MAGI2: variants seen among roughly 807,000 people sequenced by gnomAD.
MAGI2 encodes the protein membrane associated guanylate kinase, WW and PDZ domain containing 2.
In MAGI2, 35 loss-of-function variants were observed where a neutral mutation model predicts 133.3. The ratio of observed to expected loss-of-function variants is 0.26; its 90% CI spans 0.20 to 0.35. The LOEUF (loss-of-function observed/expected upper bound fraction) is 0.35, where lower values mean the gene tolerates loss of function less well. Among genes scored for constraint, MAGI2 ranks in the 10% least tolerant of loss-of-function variants. The probability of loss-of-function intolerance (pLI) is 1.00; values close to 1 mark genes in which losing one functional copy is unlikely to be tolerated. For missense variants in MAGI2, 1,636 were observed against 1,863.4 expected (o/e 0.88, Z 2.25); for synonymous variants, 729 against 710.6 (o/e 1.03, Z -0.41).
intron 4 of MAGI2, among the ~76,000 whole-genome samples, chr7:78,516,050 T>A (rs2150571280): frequency 6.6e-6 from 1 of 152,312 alleles, no homozygotes; most frequent in East Asian, 1.9e-4. Flanking sequence ...TCAGAGATGA[T>A]CAGTTTTTAC....
At chr7:78,561,649 G>T (rs892588569) in intron 3 of MAGI2, among the ~76,000 whole-genome samples, 9 of 152,176 alleles carry the variant, frequency 5.9e-5, no homozygotes. Context: ...GGGTTGTGGG[G>T]TTTGAGAGAA....
intron 2 of MAGI2, among the ~76,000 whole-genome samples, chr7:78,713,841 G>T (rs1381712595): frequency 6.6e-6 from 1 of 152,056 alleles, no homozygotes; most frequent in Non-Finnish European, 1.5e-5. Flanking sequence ...ATTCTCAATT[G>T]ATTTTCTAAC....
intron 3 of MAGI2, among the ~76,000 whole-genome samples, chr7:78,588,566 T>C (rs1262150920): frequency 6.6e-6 from 1 of 152,300 alleles, no homozygotes; most frequent in East Asian, 1.9e-4. Context: ...GGTGCATTCA[T>C]GCCCAACCCA....
At chr7:78,417,118 T>G (rs1798373715) in intron 6 of MAGI2, among the ~76,000 whole-genome samples, 1 of 152,096 alleles carries the variant, frequency 6.6e-6, no homozygotes, top group African/African-American at 2.4e-5. Context: ...TCTCTACTAT[T>G]TCTGGTAAGT....
At chr7:79,230,515 T>G (rs1831271425) in intron 1 of MAGI2, among the ~76,000 whole-genome samples, 1 of 151,756 alleles carries the variant, frequency 6.6e-6, no homozygotes, top group African/African-American at 2.4e-5. Context: ...CTCATTGTGG[T>G]TTTGATTTGC....
intron 1 of MAGI2, among the ~76,000 whole-genome samples, chr7:79,054,349 C>T (rs2117014946): frequency 6.6e-6 from 1 of 152,196 alleles, no homozygotes; most frequent in Admixed American, 6.5e-5. Context: ...AAATTTATAG[C>T]TCCATAAGAT....
chr7:78,762,208 A>T (rs1271694225), intron 2 of MAGI2, among the ~76,000 whole-genome samples: 1 of 143,126 alleles, frequency 7.0e-6, no homozygotes, highest in Non-Finnish European at 1.5e-5. Context: ...CTTTGGGAGG[A>T]TGAGGCAGGC....
At chr7:78,366,512 G>A (rs1793393978) in intron 7 of MAGI2, among the ~76,000 whole-genome samples, 1 of 152,070 alleles carries the variant, frequency 6.6e-6, no homozygotes, top group African/African-American at 2.4e-5. Context: ...CTACTATTCA[G>A]AACCAATATA....
At chr7:78,479,734 G>A (rs1044205150) in intron 6 of MAGI2, among the ~76,000 whole-genome samples, 5 of 151,926 alleles carry the variant, frequency 3.3e-5, no homozygotes, top group Non-Finnish European at 5.9e-5. Flanking sequence ...TATAGGCCAT[G>A]AGCCAGGAAA....
At chr7:78,817,781 C>T (rs1789731562) in intron 2 of MAGI2, among the ~76,000 whole-genome samples, 1 of 151,320 alleles carries the variant, frequency 6.6e-6, no homozygotes, top group Non-Finnish European at 1.5e-5. Context: ...GCGATCTTGG[C>T]TTACTGCAAC....
At chr7:79,152,014 T>C (rs1823302384) in intron 1 of MAGI2, among the ~76,000 whole-genome samples, 1 of 152,100 alleles carries the variant, frequency 6.6e-6, no homozygotes, top group South Asian at 2.1e-4. Context: ...AAGGGATAAA[T>C]TAAGATACGT....
At chr7:78,239,752 G>A (rs978433762) in intron 10 of MAGI2, among the ~76,000 whole-genome samples, 9 of 152,290 alleles carry the variant, frequency 5.9e-5, no homozygotes. Context: ...AAAGACAAAA[G>A]ATAACAGGTG....
intron 6 of MAGI2, among the ~76,000 whole-genome samples, chr7:78,438,532 C>A (rs1787283085): frequency 6.6e-6 from 1 of 152,160 alleles, no homozygotes; most frequent in Admixed American, 6.5e-5. Flanking sequence ...CATGTGTGTG[C>A]TGCGGTTCCT....
chr7:78,398,078 G>A (rs1796522125), intron 6 of MAGI2, among the ~76,000 whole-genome samples: 1 of 152,074 alleles, frequency 6.6e-6, no homozygotes, highest in South Asian at 2.1e-4. Context: ...GAGTGTGTGT[G>A]CTGTGTGAGA....
At chr7:79,289,774 C>A (rs1007522342) in intron 1 of MAGI2, among the ~76,000 whole-genome samples, 5 of 152,078 alleles carry the variant, frequency 3.3e-5, no homozygotes, top group African/African-American at 1.2e-4. Flanking sequence ...ATTTCCATTT[C>A]TGCAGTGTCA....
At chr7:78,205,133 G>T (rs752003776) in intron 10 of MAGI2, among the ~76,000 whole-genome samples, 6 of 152,132 alleles carry the variant, frequency 3.9e-5, no homozygotes, top group Non-Finnish European at 5.9e-5. Flanking sequence ...AACTAAACAC[G>T]ATTTATTTTT....
intron 2 of MAGI2, among the ~76,000 whole-genome samples, chr7:78,944,640 C>T (rs894719707): frequency 6.6e-6 from 1 of 152,094 alleles, no homozygotes. Context: ...CACTTGGGTA[C>T]ATATCTTTGT....
chr7:79,239,325 C>T (rs971853972), intron 1 of MAGI2, among the ~76,000 whole-genome samples: 1 of 152,182 alleles, frequency 6.6e-6, no homozygotes, highest in Middle Eastern at 3.4e-3. Flanking sequence ...AATTTTGTTT[C>T]TAAGACTCGA....
intron 6 of MAGI2, among the ~76,000 whole-genome samples, chr7:78,421,286 A>G (rs377766981): frequency 1.3e-5 from 2 of 152,292 alleles, no homozygotes; most frequent in African/African-American, 2.4e-5. Context: ...TATGTAACTC[A>G]CTTACTGGGG....
Sources: allele counts gnomAD v4.1 joint callset (sites outside exome capture counted in the v4.1 genomes callset), GRCh38; gene constraint gnomAD v4.1.1; transcripts MANE v1.5; gene names NCBI Gene and HGNC (gene_info 2026-07-23, HGNC 2026-07-21).